ROBO1: variants seen among roughly 807,000 people sequenced by gnomAD.
ROBO1 encodes the protein roundabout homolog 1.
A neutral mutation model predicts 195.9 loss-of-function variants in ROBO1; 149 were observed. That is an observed-to-expected ratio of 0.76 (90% CI 0.67 to 0.87). The LOEUF (loss-of-function observed/expected upper bound fraction) is 0.87. Ranked by LOEUF, ROBO1 falls within the 40% of genes least tolerant of loss-of-function variation. The pLI is 0.00. For missense variants in ROBO1, 1,933 were observed against 2,068.3 expected, an observed-to-expected ratio of 0.93 and a Z score of 1.27; for synonymous variants, 816 against 733.2, an observed-to-expected ratio of 1.11 and a Z score of -1.82.
chr3:79,717,848 T>C (rs1351507929), intron 1 of ROBO1, among the ~76,000 whole-genome samples: 1 of 152,044 alleles, frequency 6.6e-6, no homozygotes, highest in Non-Finnish European at 1.5e-5. Context: ...TCTTTGTGTG[T>C]GTCTTTTGTG....
At chr3:78,859,352 T>C (rs2034646334) in intron 4 of ROBO1, among the ~76,000 whole-genome samples, 1 of 152,222 alleles carries the variant, frequency 6.6e-6, no homozygotes, top group Admixed American at 6.5e-5. Flanking sequence ...ATGGAATATT[T>C]GCATTAACCT....
intron 2 of ROBO1, among the ~76,000 whole-genome samples, chr3:79,265,309 G>A (rs1472493327): frequency 7.1e-6 from 1 of 139,886 alleles, no homozygotes; most frequent in African/African-American, 2.7e-5. Context: ...TTTTTTTTTT[G>A]CTGAGGTTTT....
chr3:79,291,645 A>C (rs1445396245), intron 2 of ROBO1, among the ~76,000 whole-genome samples: 2 of 152,308 alleles, frequency 1.3e-5, no homozygotes, highest in Non-Finnish European at 2.9e-5. Flanking sequence ...TACATCTTCA[A>C]TGCATAGCAC....
At chr3:79,262,871 CT>C (rs144609439) in intron 2 of ROBO1, among the ~76,000 whole-genome samples, 3,278 of 152,142 alleles carry the variant, frequency 0.022, 98 homozygotes, top group African/African-American at 0.07. Context: ...GTCCTGATAG[CT>C]CTTGAGTCTT....
chr3:79,413,949 A>G (rs911136928), intron 2 of ROBO1, among the ~76,000 whole-genome samples: 6 of 152,088 alleles, frequency 3.9e-5, no homozygotes, highest in African/African-American at 1.2e-4. Context: ...CATAAAACCT[A>G]ATCATACCAA....
At chr3:79,370,236 T>C (rs1300003996) in intron 2 of ROBO1, among the ~76,000 whole-genome samples, 1 of 150,530 alleles carries the variant, frequency 6.6e-6, no homozygotes, top group African/African-American at 2.4e-5. Context: ...CATGTGCCTG[T>C]AGTCCTAGTG....
At chr3:79,183,406 C>A (rs1034082890) in intron 2 of ROBO1, among the ~76,000 whole-genome samples, 8 of 152,170 alleles carry the variant, frequency 5.3e-5, no homozygotes, top group African/African-American at 1.9e-4. Context: ...TCAAGACTGT[C>A]AGAAGTGACT....
intron 1 of ROBO1, among the ~76,000 whole-genome samples, chr3:79,731,601 C>T (rs897353189): frequency 6.6e-6 from 1 of 151,808 alleles, no homozygotes; most frequent in Admixed American, 6.6e-5. Context: ...AAAAACAAAA[C>T]AAAAAACAAT....
chr3:78,655,845 C>G (rs1317807525), intron 18 of ROBO1, among the ~76,000 whole-genome samples: 1 of 152,110 alleles, frequency 6.6e-6, no homozygotes, highest in African/African-American at 2.4e-5. Flanking sequence ...ATAACATATA[C>G]TAATATTTCG....
intron 2 of ROBO1, among the ~76,000 whole-genome samples, chr3:79,525,673 T>G (rs1941405240): frequency 6.7e-6 from 1 of 150,148 alleles, no homozygotes; most frequent in South Asian, 2.1e-4. Flanking sequence ...TGGTGTGATC[T>G]CGGCTCACTG....
intron 22 of ROBO1, among the ~76,000 whole-genome samples, chr3:78,637,835 T>C (rs1705618541): frequency 6.6e-6 from 1 of 152,194 alleles, no homozygotes; most frequent in Non-Finnish European, 1.5e-5. Flanking sequence ...TGCTCTATGA[T>C]TTGTTCTTTA....
intron 1 of ROBO1, among the ~76,000 whole-genome samples, chr3:79,758,241 C>T (rs956058953): frequency 3.9e-5 from 6 of 152,160 alleles, no homozygotes; most frequent in Non-Finnish European, 8.8e-5. Flanking sequence ...TCTGCTCTAT[C>T]CAAGACAGTA....
intron 3 of ROBO1, among the ~76,000 whole-genome samples, chr3:78,959,493 A>C (rs528679995): frequency 1.3e-5 from 2 of 152,338 alleles, no homozygotes; most frequent in African/African-American, 4.8e-5. Context: ...AAAATAATCT[A>C]AAACAATGAA....
intron 2 of ROBO1, among the ~76,000 whole-genome samples, chr3:79,501,692 T>C (rs1447335338): frequency 1.3e-5 from 2 of 152,230 alleles, no homozygotes; most frequent in Admixed American, 6.5e-5. Flanking sequence ...GATTAAATTA[T>C]TTTTGAAGTT....
At chr3:79,284,827 C>T in intron 2 of ROBO1, among the ~76,000 whole-genome samples, 1 of 151,970 alleles carries the variant, frequency 6.6e-6, no homozygotes. Flanking sequence ...CATCTTAATT[C>T]ATAAATCTTT....
At chr3:79,065,510 G>A (rs754931717) in intron 3 of ROBO1, among the ~76,000 whole-genome samples, 1 of 151,898 alleles carries the variant, frequency 6.6e-6, no homozygotes, top group Non-Finnish European at 1.5e-5. Context: ...GGCACAAAAT[G>A]TACAAGATGA....
At chr3:79,154,161 T>C (rs1323437278) in intron 2 of ROBO1, among the ~76,000 whole-genome samples, 1 of 151,724 alleles carries the variant, frequency 6.6e-6, no homozygotes, top group Non-Finnish European at 1.5e-5. Context: ...ACATAATGGG[T>C]TCAGAGTAAA....
At chr3:78,623,423 T>TA (rs1326211320) in intron 26 of ROBO1, among the ~76,000 whole-genome samples, 2 of 152,100 alleles carry the variant, frequency 1.3e-5, no homozygotes, top group African/African-American at 2.4e-5. Context: ...AGAAGAAACT[T>TA]AGAGTGAAGA....
intron 1 of ROBO1, among the ~76,000 whole-genome samples, chr3:79,604,088 T>C (rs1351862990): frequency 6.6e-6 from 1 of 152,006 alleles, no homozygotes; most frequent in Non-Finnish European, 1.5e-5. Flanking sequence ...GGTACATTTG[T>C]TTACCTTTCA....
Sources: allele counts gnomAD v4.1 joint callset (sites outside exome capture counted in the v4.1 genomes callset), GRCh38; gene constraint gnomAD v4.1.1; transcripts MANE v1.5; gene names NCBI Gene and HGNC (gene_info 2026-07-23, HGNC 2026-07-21).